The following PAFAH1B1 variants were observed in gnomAD, a reference collection of about 807,000 sequenced individuals.
The protein encoded by PAFAH1B1 is platelet-activating factor acetylhydrolase IB subunit beta.
Under a neutral mutation model 57.5 loss-of-function variants are expected in PAFAH1B1, and 2 were observed. The observed-to-expected ratio is 0.03, with a 90% confidence interval of 0.01 to 0.11. The LOEUF (loss-of-function observed/expected upper bound fraction) is 0.11. Ranked by LOEUF, PAFAH1B1 falls within the 10% of genes least tolerant of loss-of-function variation. PAFAH1B1 has a pLI of 1.00. For missense variants in PAFAH1B1, 257 were observed against 512.0 expected (o/e 0.50, Z 4.81); for synonymous variants, 152 against 169.6 (o/e 0.90, Z 0.81).
rs1191179145 is a variant in PAFAH1B1, at chr17:2,680,385, A to G, written c.1159+65A>G. 7 of 1,429,830 alleles carry G rather than the reference A, an allele frequency of 4.9e-6. No individual in the cohort carries two copies. The African/African-American group carries it at 5.6e-5, about 11-fold the overall frequency. The allele number at this position is 1,429,830 out of a possible 1,614,324, so 88.6% of individuals were successfully genotyped here. A position where few individuals can be genotyped will look rare whatever the true frequency, so the allele number is the denominator to read the frequency against. On this transcript the variant is annotated intron_variant, in intron 10 of 10. Coordinates refer to ENST00000397195, the MANE Select transcript of PAFAH1B1 (RefSeq NM_000430.4). The stretch of plus-strand genomic sequence containing the variant: ...GAGTGCCAGACAAACTGTGTTTTAC[A>G]TAATCGTGTGGACTTTGCCAGGTAA...
Position 2,683,218 on chromosome 17 carries a change from T to C in PAFAH1B1, c.*1416T>C, listed in dbSNP as rs980619981. Reference sequence around the variant, plus strand: ...ATTTTGACCCAAAGTTACAGGTAGGTTTAAGAGAATTTTTAGCCATGACTT... The same window carrying C: ...ATTTTGACCCAAAGTTACAGGTAGGCTTAAGAGAATTTTTAGCCATGACTT... On this transcript the variant is annotated 3_prime_UTR_variant, in exon 11 of 11. Coordinates refer to ENST00000397195, the MANE Select transcript of PAFAH1B1 (RefSeq NM_000430.4). The C allele has an allele frequency of 3.3e-5, 5 of 152,210 alleles. No individual in the cohort carries two copies. Among genetic ancestry groups the C allele is most frequent in the African/African-American group, 1.2e-4 (5 of 41,450 alleles). 9.4% of individuals were successfully genotyped at this position (152,210 alleles called of 1,614,324 possible).
intron 1 of PAFAH1B1, among the ~76,000 whole-genome samples, chr17:2,605,732 A>AATTT (rs2068198191): frequency 6.6e-6 from 1 of 152,210 alleles, no homozygotes; most frequent in Admixed American, 6.6e-5. Flanking sequence ...GTAATCTTAT[A>AATTT]ATAAGTACCT....
At chr17:2,658,290 A>G (rs1447564046) in intron 2 of PAFAH1B1, among the ~76,000 whole-genome samples, 1 of 152,138 alleles carries the variant, frequency 6.6e-6, no homozygotes, top group South Asian at 2.1e-4. Context: ...AGTTTTCAGT[A>G]ATGTTATTTT....
intron 1 of PAFAH1B1, among the ~76,000 whole-genome samples, chr17:2,633,314 C>T (rs2068579174): frequency 6.6e-6 from 1 of 151,402 alleles, no homozygotes; most frequent in Admixed American, 6.6e-5. Flanking sequence ...ATTACAGGTG[C>T]CTGCTGCCAC....
At chr17:2,648,761 TAA>T (rs35463848) in intron 2 of PAFAH1B1, among the ~76,000 whole-genome samples, 2 of 147,696 alleles carry the variant, frequency 1.4e-5, no homozygotes, top group East Asian at 2.0e-4. Flanking sequence ...TCCTGATGGT[TAA>T]AAAAAAAAAA....
At chr17:2,669,581 A>G (rs1313152060) in intron 5 of PAFAH1B1, among the ~76,000 whole-genome samples, 1 of 152,176 alleles carries the variant, frequency 6.6e-6, no homozygotes, top group East Asian at 1.9e-4. Context: ...TTAACTCAAA[A>G]TGACATATGC....
rs765816438 is a variant in PAFAH1B1, at chr17:2,682,859, G to T, written c.*1057G>T. The T allele has an allele frequency of 4.6e-5, 7 of 152,564 alleles. No homozygotes were observed. Among genetic ancestry groups the T allele is most frequent in the Admixed American group, 6.5e-5 (1 of 15,272 alleles). 9.5% of individuals were successfully genotyped at this position (152,564 alleles called of 1,614,324 possible). A position where few individuals can be genotyped will look rare whatever the true frequency, so the allele number is the denominator to read the frequency against. On this transcript the variant is annotated 3_prime_UTR_variant, in exon 11 of 11. Coordinates refer to ENST00000397195, the MANE Select transcript of PAFAH1B1 (RefSeq NM_000430.4). ...AAAAAATGACAGGGTTTAATGGAGC[G>T]TGCATAAAAATGTACTGTTTTCACC...
chr17:2,681,704 A>C (rs1567564315), intron 10 of PAFAH1B1, 25 bp from the exon 11 acceptor site: 1 of 1,594,458 alleles, frequency 6.3e-7, no homozygotes, highest in South Asian at 1.1e-5. Context: ...GTGAGTTTTA[A>C]ATAAACCATT....
intron 1 of PAFAH1B1, among the ~76,000 whole-genome samples, chr17:2,594,402 T>C (rs746281703): frequency 1.4e-4 from 21 of 152,158 alleles, no homozygotes; most frequent in Non-Finnish European, 2.8e-4. Flanking sequence ...CAGGTAGCTC[T>C]CTGATCTTGG....
At chr17:2,660,362 C>A (rs2068998199) in intron 2 of PAFAH1B1, among the ~76,000 whole-genome samples, 1 of 152,068 alleles carries the variant, frequency 6.6e-6, no homozygotes, top group South Asian at 2.1e-4. Flanking sequence ...TTAAGCTCCA[C>A]ACGCATTAGC....
At chr17:2,646,828 T>A (rs558961826) in intron 2 of PAFAH1B1, among the ~76,000 whole-genome samples, 1 of 152,286 alleles carries the variant, frequency 6.6e-6, no homozygotes, top group South Asian at 2.1e-4. Context: ...AGATGCTAAT[T>A]TTTTCAAATC....
chr17:2,665,990 A>T lies in PAFAH1B1; in HGVS notation c.118-26A>T, dbSNP rs1354525398. The T allele has an allele frequency of 8.3e-6, 12 of 1,450,282 alleles. No individual in the cohort carries two copies. In the East Asian group the frequency reaches 1.0e-4, roughly 12 times the overall value. 89.8% of individuals were successfully genotyped at this position (1,450,282 alleles called of 1,614,324 possible). A position where few individuals can be genotyped will look rare whatever the true frequency, so the allele number is the denominator to read the frequency against. ...GAGGATCATAGTTAAGCCATTTTTT[A>T]AAAATTCTAAATTTATTTTCTCTAG... On this transcript the variant is annotated intron_variant, in intron 3 of 10. Transcript: ENST00000397195.
chr17:2,632,461 T>G (rs1457267355), intron 1 of PAFAH1B1, among the ~76,000 whole-genome samples: 2 of 152,186 alleles, frequency 1.3e-5, no homozygotes, highest in African/African-American at 4.8e-5. Flanking sequence ...TTTCTATCTC[T>G]TTTTTCTTCC....
intron 6 of PAFAH1B1, 41 bp downstream of exon 6, chr17:2,670,372 A>G: frequency 1.3e-6 from 2 of 1,498,600 alleles, no homozygotes; most frequent in South Asian, 1.1e-5. Flanking sequence ...AATTTCTATC[A>G]TGGTACTTCA....
At chr17:2,637,704 G>A (rs952602132) in intron 1 of PAFAH1B1, among the ~76,000 whole-genome samples, 2 of 152,216 alleles carry the variant, frequency 1.3e-5, no homozygotes. Flanking sequence ...TGTTCGGCTT[G>A]TGCAGTTCAT....
chr17:2,625,023 A>T lies in PAFAH1B1; in HGVS notation c.-190-13076A>T, dbSNP rs1230385691. On this transcript the variant is annotated intron_variant, in intron 1 of 10. Transcript: ENST00000397195. ...TAACATATAATTATTTATACTTTCT[A>T]TTTTTTTTTTTTTAACTCTTCCACT... 1.1e-4 allele frequency among the ~76,000 whole-genome samples: 16 copies of T among 143,232 alleles called. No individual in the cohort carries two copies. The South Asian group carries it at 1.3e-3, about 12-fold the overall frequency. 94.0% of individuals were successfully genotyped at this position (143,232 alleles called of 152,430 possible). A position where few individuals can be genotyped will look rare whatever the true frequency, so the allele number is the denominator to read the frequency against.
intron 3 of PAFAH1B1, 112 bp from the exon 4 acceptor site, chr17:2,665,904 C>A (rs1452832060): frequency 1.1e-5 from 13 of 1,154,310 alleles, no homozygotes; most frequent in African/African-American, 1.6e-5. Context: ...CCAGCCACTC[C>A]CTTTTTTTAT....
rs1567563364 is a variant in PAFAH1B1, at chr17:2,680,146, A to G, written c.1003-18A>G. The G allele has an allele frequency of 6.2e-7, 1 of 1,612,892 alleles. No homozygotes were observed. The highest frequency in any genetic ancestry group is 2.2e-5 in the East Asian group (1 of 44,880). ...CATTTTGCCTTTTACTGAGTCAAAT[A>G]ACTTTTTTGTTTTTAAGGTGGGTCA... On this transcript the variant is annotated intron_variant, in intron 9 of 10. Coordinates refer to ENST00000397195, the MANE Select transcript of PAFAH1B1 (RefSeq NM_000430.4).
At chr17:2,638,862 A>ACAG (rs2068658461) in intron 2 of PAFAH1B1, among the ~76,000 whole-genome samples, 1 of 151,566 alleles carries the variant, frequency 6.6e-6, no homozygotes, top group South Asian at 2.1e-4. Context: ...TTAACGCAAA[A>ACAG]CAGACAAGTC....
Sources: allele counts gnomAD v4.1 joint callset (sites outside exome capture counted in the v4.1 genomes callset), GRCh38; gene constraint gnomAD v4.1.1; transcripts MANE v1.5; gene names NCBI Gene and HGNC (gene_info 2026-07-23, HGNC 2026-07-21).